The following MTMR6 variants were observed in gnomAD, a reference collection of about 807,000 sequenced individuals.
MTMR6 encodes myotubularin related protein 6, also known as phosphatidylinositol-3,5-bisphosphate 3-phosphatase MTMR6.
Under a neutral mutation model 80.1 loss-of-function variants are expected in MTMR6, and 47 were observed. The ratio of observed to expected loss-of-function variants is 0.59; its 90% CI spans 0.46 to 0.75. The LOEUF (loss-of-function observed/expected upper bound fraction) is 0.75. Among genes scored for constraint, MTMR6 ranks in the 30% least tolerant of loss-of-function variants. The pLI is 0.00. For missense variants in MTMR6, 629 were observed against 730.9 expected, an observed-to-expected ratio of 0.86 and a Z score of 1.61; for synonymous variants, 254 against 253.0, an observed-to-expected ratio of 1.00 and a Z score of -0.04.
At chr13:25,274,955 C>CACAT (rs1957678841) in intron 1 of MTMR6, among the ~76,000 whole-genome samples, 3 of 126,740 alleles carry the variant, frequency 2.4e-5, no homozygotes, top group African/African-American at 1.0e-4. Flanking sequence ...CACACACACA[C>CACAT]ACACATACAC....
chr13:25,284,455 GTAA>G (rs1459217170), intron 1 of MTMR6, among the ~76,000 whole-genome samples: 1 of 151,974 alleles, frequency 6.6e-6, no homozygotes, highest in Non-Finnish European at 1.5e-5. Context: ...ATATTATAAA[GTAA>G]TAATATTGTA....
At chr13:25,277,041 C>T (rs1307469535) in intron 1 of MTMR6, among the ~76,000 whole-genome samples, 2 of 152,192 alleles carry the variant, frequency 1.3e-5, no homozygotes, top group African/African-American at 4.8e-5. Context: ...GCTATACTGC[C>T]TCCACTTAGA....
chr13:25,274,961 T>TACAC (rs71077456), intron 1 of MTMR6, among the ~76,000 whole-genome samples: 2,847 of 104,952 alleles, frequency 0.027, 155 homozygotes, highest in African/African-American at 0.052. Context: ...CACACACACA[T>TACAC]ACACACACAC....
intron 10 of MTMR6, 127 bp downstream of exon 10, chr13:25,254,258 A>G (rs1957145776): frequency 4.0e-6 from 3 of 741,666 alleles, no homozygotes; most frequent in African/African-American, 3.6e-5. Context: ...TACGTAAAAT[A>G]CAGTAAAAAC....
rs116677238 is a variant in MTMR6, at chr13:25,278,452, G to A, written c.25-4265C>T. Among the ~76,000 whole-genome samples, 1,114 of 152,070 alleles carry A rather than the reference G, an allele frequency of 7.3e-3. 19 individuals are homozygous for A. The highest frequency in any genetic ancestry group is 0.025 in the African/African-American group (1,046 of 41,470). ...ACTAAACATATAAAAATTAGCAGCC[G>A]GGCGCAGCTTGCAATCCCAGCACTT... On this transcript the variant is annotated intron_variant, in intron 1 of 13. Transcript: ENST00000381801.
intron 1 of MTMR6, among the ~76,000 whole-genome samples, chr13:25,275,872 G>A (rs1957711202): frequency 1.4e-5 from 2 of 141,114 alleles, no homozygotes; most frequent in Non-Finnish European, 3.1e-5. Flanking sequence ...AAAAAAGAAG[G>A]GAGGGGAGGG....
chr13:25,249,417 A>G lies in MTMR6; in HGVS notation c.1681T>C (p.Ser561Pro). The change falls in exon 14 of 14, where the codon TCA becomes CCA. Residue 561 changes from serine (S) to proline (P), a missense_variant. By Grantham distance (74) the Ser-to-Pro change is moderately conservative. Coordinates refer to ENST00000381801, the MANE Select transcript of MTMR6 (RefSeq NM_004685.5). Reference sequence around the variant, plus strand: ...CACAGGGAAGTTTTGAGGTTAGGTGATTCAGGATGAACTGAATGTAACAAT... The same window carrying G: ...CACAGGGAAGTTTTGAGGTTAGGTGGTTCAGGATGAACTGAATGTAACAAT... Reference protein sequence around the residue: ...KELLHSVHPESPNLKTSLCFK... With the variant: ...KELLHSVHPEPPNLKTSLCFK... 6.2e-7 allele frequency: 1 copy of G among 1,614,106 alleles called. No individual in the cohort carries two copies. The highest frequency in any genetic ancestry group is 8.5e-7 in the Non-Finnish European group (1 of 1,179,948).
intron 5 of MTMR6, among the ~76,000 whole-genome samples, chr13:25,265,071 C>T (rs1957427637): frequency 6.6e-6 from 1 of 152,116 alleles, no homozygotes; most frequent in African/African-American, 2.4e-5. Context: ...ATAAGCAACC[C>T]TTATTACAGC....
At chr13:25,268,869 C>G (rs568652057) in intron 2 of MTMR6, among the ~76,000 whole-genome samples, 22 of 152,274 alleles carry the variant, frequency 1.4e-4, no homozygotes, top group African/African-American at 5.3e-4. Context: ...TCCCTGTGCT[C>G]TTGGGGGCCT....
chr13:25,249,270 C>T lies in MTMR6; in HGVS notation c.1828G>A (p.Val610Ile), dbSNP rs201631122. The change falls in exon 14 of 14, where the codon GTC (valine) becomes ATC (isoleucine). Residue 610 changes from valine (V) to isoleucine (I), a missense_variant. Coordinates refer to ENST00000381801, the MANE Select transcript of MTMR6 (RefSeq NM_004685.5). ...CTTGCCACACCATACTCTAAGCTGA[C>T]CACAGCAGGTTCTGATTTAGAAAAC... ...EEFSKSEPAVVSLEYGVARMT... is the reference protein window; with the variant it reads ...EEFSKSEPAVISLEYGVARMT... 1.9e-6 allele frequency: 3 copies of T among 1,614,062 alleles called. No individual in the cohort carries two copies. The East Asian group carries it at 6.7e-5, about 36-fold the overall frequency.
At chr13:25,275,713 T>C (rs1249107365) in intron 1 of MTMR6, among the ~76,000 whole-genome samples, 1 of 150,686 alleles carries the variant, frequency 6.6e-6, no homozygotes, top group African/African-American at 2.4e-5. Flanking sequence ...TACAAAAAAT[T>C]AGCTAGGTGT....
In MTMR6 at chr13:25,258,664, C is replaced by T; in HGVS notation, c.755G>A (p.Gly252Glu). 2 of 1,587,988 alleles carry T rather than the reference C, an allele frequency of 1.3e-6. No individual in the cohort carries two copies. Among genetic ancestry groups the T allele is most frequent in the Non-Finnish European group, 1.7e-6 (2 of 1,172,798 alleles). Reference protein sequence around the residue: ...KLNAMANRAAGKGYENEDNYS... With the variant: ...KLNAMANRAAEKGYENEDNYS... ...GTTGTCTTCATTTTCATAACCTTTT[C>T]CAGCTGCTCTGTTGGCCATTGCATT... is the stretch of plus-strand genomic sequence containing the variant. Residue 252 changes from glycine (G) to glutamate (E), a missense_variant, in exon 7 of 14, where the codon GGA (glycine) becomes GAA (glutamate). Gly to Glu is a moderately conservative substitution (Grantham distance 98). Transcript: ENST00000381801.
intron 2 of MTMR6, among the ~76,000 whole-genome samples, chr13:25,271,203 C>T (rs1006908302): frequency 6.6e-6 from 1 of 151,974 alleles, no homozygotes; most frequent in Non-Finnish European, 1.5e-5. Flanking sequence ...GCCAAGTGTC[C>T]GGATTTTCAA....
rs62619824 is a variant in MTMR6 at position 25,249,303 on chromosome 13, C to T, written c.1795G>A (p.Ala599Thr). Residue 599 changes from alanine to threonine, a missense_variant, in exon 14 of 14, where the codon GCA becomes ACA. Coordinates refer to ENST00000381801, the MANE Select transcript of MTMR6 (RefSeq NM_004685.5). ...SPADNRYSEY[A>T]EEFSKSEPAV... ...GGTTCTGATTTAGAAAACTCTTCTG[C>T]ATATTCACTATAACGATTATCTGCC... 126,315 of 1,613,962 alleles carry T rather than the reference C, an allele frequency of 0.078. 5,288 individuals carry two copies. The highest frequency in any genetic ancestry group is 0.1 in the Admixed American group (6,201 of 60,016).
chr13:25,287,300 A>G lies in MTMR6; in HGVS notation c.-53T>C. 5 of 1,565,334 alleles carry G rather than the reference A, an allele frequency of 3.2e-6. No homozygotes were observed. Among genetic ancestry groups the G allele is most frequent in the Non-Finnish European group, 4.3e-6 (5 of 1,158,886 alleles). ...TCTCACAGGCGTACCATACGGCTAC[A>G]GAAACAGGGCGGTGACAGCGACAGA... On this transcript the variant is annotated 5_prime_UTR_variant, in exon 1 of 14. Transcript: ENST00000381801.
intron 9 of MTMR6, among the ~76,000 whole-genome samples, chr13:25,256,471 G>C (rs1403122567): frequency 6.6e-6 from 1 of 152,184 alleles, no homozygotes; most frequent in Non-Finnish European, 1.5e-5. Flanking sequence ...TTTGCTTTAA[G>C]ATGGCACTGT....
intron 5 of MTMR6, among the ~76,000 whole-genome samples, chr13:25,262,825 T>C (rs1957369187): frequency 6.6e-6 from 1 of 152,322 alleles, no homozygotes; most frequent in African/African-American, 2.4e-5. Flanking sequence ...AAAATGAACA[T>C]TGCCTTATTA....
intron 7 of MTMR6, 80 bp from the exon 8 acceptor site, chr13:25,257,925 G>A (rs2137538157): frequency 4.2e-6 from 4 of 943,976 alleles, no homozygotes; most frequent in East Asian, 2.7e-5. Flanking sequence ...CTCTAGATAA[G>A]TGAATGAAGA....
intron 13 of MTMR6, 113 bp from the exon 14 acceptor site, chr13:25,249,605 C>T: frequency 9.4e-7 from 1 of 1,067,086 alleles, no homozygotes; most frequent in South Asian, 1.7e-5. Flanking sequence ...TAATGCAAAA[C>T]TAAATCTCAA....
Sources: allele counts gnomAD v4.1 joint callset (sites outside exome capture counted in the v4.1 genomes callset), GRCh38; gene constraint gnomAD v4.1.1; transcripts MANE v1.5; gene names NCBI Gene and HGNC (gene_info 2026-07-23, HGNC 2026-07-21).